The following HPS4 variants were observed in gnomAD, a reference collection of about 807,000 sequenced individuals.
The protein encoded by HPS4 is HPS4 biogenesis of lysosomal organelles complex 3 subunit 2, also known as BLOC-3 complex member HPS4.
In HPS4, 44 loss-of-function variants were observed where a neutral mutation model predicts 70.3. The observed-to-expected ratio is 0.63, with a 90% CI of 0.49 to 0.80. HPS4 has a LOEUF of 0.80. Among genes scored for constraint, HPS4 ranks in the 30% least tolerant of loss-of-function variants. The pLI is 0.00. For synonymous variants in HPS4, 377 were observed against 355.9 expected (o/e 1.06, Z -0.67); for missense variants, 873 against 884.4 (o/e 0.99, Z 0.16).
At position 26,481,792 on chromosome 22, in the gene HPS4, T is replaced by C. The variant is rs1208317131; in HGVS notation, c.-30A>G. 1.9e-6 allele frequency: 3 copies of C among 1,611,058 alleles called. No individual in the cohort carries two copies. The African/African-American group carries it at 4.0e-5, about 22-fold the overall frequency. Reference sequence around the variant, plus strand: ...TGTGCAGTCATCCTCATTCTCTTCATTTAGGTTTTCTTTTCCGGTATCACT... The same window carrying C: ...TGTGCAGTCATCCTCATTCTCTTCACTTAGGTTTTCTTTTCCGGTATCACT... On this transcript the variant is annotated 5_prime_UTR_variant, in exon 2 of 14. It removes an upstream start codon present in the reference 5' UTR. Coordinates refer to ENST00000398145, the MANE Select transcript of HPS4 (RefSeq NM_022081.6).
At chr22:26,472,006 G>GTTCAA (rs1244927015) in intron 6 of HPS4, among the ~76,000 whole-genome samples, 1 of 152,212 alleles carries the variant, frequency 6.6e-6, no homozygotes, top group Non-Finnish European at 1.5e-5. Flanking sequence ...AGATTACTGA[G>GTTCAA]TTCAACACTT....
At chr22:26,476,792 G>C in intron 4 of HPS4, 1 of 600,342 alleles carries the variant, frequency 1.7e-6, no homozygotes, top group East Asian at 3.0e-5. Context: ...GTGCAATGCA[G>C]AATATGTTAG....
At chr22:26,459,388 T>C (rs912468231) in intron 11 of HPS4, among the ~76,000 whole-genome samples, 3 of 152,222 alleles carry the variant, frequency 2.0e-5, no homozygotes, top group African/African-American at 4.8e-5. Flanking sequence ...TCTTTTTCTG[T>C]AAAATAAAAA....
chr22:26,465,613 T>C (rs1035010140), intron 9 of HPS4, 62 bp from the exon 10 acceptor site: 13 of 1,342,258 alleles, frequency 9.7e-6, no homozygotes, highest in African/African-American at 2.9e-5. Context: ...AGCGGGGCAA[T>C]AGCTGCACTG....
intron 13 of HPS4, among the ~76,000 whole-genome samples, chr22:26,454,795 A>T (rs1443359620): frequency 6.6e-6 from 1 of 152,244 alleles, no homozygotes; most frequent in Non-Finnish European, 1.5e-5. Flanking sequence ...TGAACAGGCA[A>T]CCTACAGAAC....
At position 26,464,219 on chromosome 22, in the gene HPS4, A is replaced by G. The variant is rs549290787; in HGVS notation, c.1411T>C (p.Leu471=). The change falls in exon 11 of 14, where the codon TTG becomes CTG. Residue 471 remains leucine, a synonymous_variant. Transcript: ENST00000398145. ...CTCTGTCCTGGATCTAAGCGAGGCAATAACAAGGGCCTGCGGGTCCTTCTG... is the reference window on the plus strand; with the variant it reads ...CTCTGTCCTGGATCTAAGCGAGGCAGTAACAAGGGCCTGCGGGTCCTTCTG... The part of the protein sequence containing the change: ...LPRRTRRPLL[L]PRLDPGQRGN... 18 of 1,614,192 alleles carry G rather than the reference A, an allele frequency of 1.1e-5. No individual in the cohort carries two copies. In the East Asian group the frequency reaches 1.8e-4, roughly 16 times the overall value.
chr22:26,470,894 G>T (rs765864973), intron 6 of HPS4, 81 bp from the exon 7 acceptor site: 1 of 1,582,678 alleles, frequency 6.3e-7, no homozygotes, highest in African/African-American at 1.3e-5. Flanking sequence ...GGGTTGTACA[G>T]AACAGCTGGA....
At chr22:26,480,919 A>AAAAC (rs1341541943) in intron 2 of HPS4, among the ~76,000 whole-genome samples, 1 of 152,130 alleles carries the variant, frequency 6.6e-6, no homozygotes. Flanking sequence ...CCCTGTCTCA[A>AAAAC]AAACAAACAA....
Position 26,483,714 on chromosome 22 carries a change from TG to T in HPS4, c.-520del. 2.3e-6 allele frequency: 1 copy of T among 427,160 alleles called. No homozygotes were observed. Among genetic ancestry groups the T allele is most frequent in the Non-Finnish European group, 4.0e-6 (1 of 251,940 alleles). The allele number at this position is 427,160 out of a possible 1,614,324, so 26.5% of individuals were successfully genotyped here. ...TCCCAGTGCTCGGGGTTCGGGACTC[TG>T]GACCAGAAATGTGGGCAGCAGCTGG... On this transcript the variant is annotated 5_prime_UTR_variant, in exon 1 of 14. Transcript: ENST00000398145.
At position 26,466,272 on chromosome 22, in the gene HPS4, AAC is replaced by A. The variant is rs2088597963; in HGVS notation, c.670-12_670-11del. The A allele has an allele frequency of 9.9e-6, 16 of 1,613,976 alleles. No individual in the cohort carries two copies. In the East Asian group the frequency reaches 3.6e-4, roughly 36 times the overall value. On this transcript the variant is annotated splice_polypyrimidine_tract_variant and intron_variant, in intron 8 of 13. Transcript: ENST00000398145. Reference sequence around the variant, plus strand: ...CTCCCGTAGGGAGTCTCTGAAAACAAACACACACAGAAGTTGGCGCTGGGCAC... The same window carrying A: ...CTCCCGTAGGGAGTCTCTGAAAACAAACACACAGAAGTTGGCGCTGGGCAC...
At chr22:26,477,389 G>T (rs999737425) in intron 3 of HPS4, among the ~76,000 whole-genome samples, 1 of 152,168 alleles carries the variant, frequency 6.6e-6, no homozygotes, top group Non-Finnish European at 1.5e-5. Flanking sequence ...ACCCCTACCT[G>T]AGATGACTGA....
At position 26,481,799 on chromosome 22, in the gene HPS4, T is replaced by C. The variant is rs1409147037; in HGVS notation, c.-37A>G. On this transcript the variant is annotated 5_prime_UTR_variant, in exon 2 of 14. Transcript: ENST00000398145. Reference sequence around the variant, plus strand: ...TCATCCTCATTCTCTTCATTTAGGTTTTCTTTTCCGGTATCACTTCTTTCT... The same window carrying C: ...TCATCCTCATTCTCTTCATTTAGGTCTTCTTTTCCGGTATCACTTCTTTCT... 6 of 1,606,314 alleles carry C rather than the reference T, an allele frequency of 3.7e-6. No individual in the cohort carries two copies. The highest frequency in any genetic ancestry group is 5.1e-6 in the Non-Finnish European group (6 of 1,172,980).
intron 3 of HPS4, among the ~76,000 whole-genome samples, chr22:26,478,011 G>C (rs1049885179): frequency 2.0e-5 from 3 of 152,182 alleles, no homozygotes; most frequent in African/African-American, 7.2e-5. Context: ...TGGAAGGATG[G>C]AAGTATGGGT....
intron 5 of HPS4, 43 bp from the exon 6 acceptor site, chr22:26,472,461 G>T: frequency 7.9e-7 from 1 of 1,264,312 alleles, no homozygotes; most frequent in Non-Finnish European, 1.2e-6. Flanking sequence ...AGATTTTGAG[G>T]GACAGATTCT....
chr22:26,476,356 T>C (rs1272205145), intron 4 of HPS4: 1 of 142,574 alleles, frequency 7.0e-6, no homozygotes, highest in Non-Finnish European at 1.5e-5. Context: ...ATTTTTATTC[T>C]TTTTTTTTTT....
chr22:26,456,880 A>G (rs2086229428), intron 13 of HPS4, among the ~76,000 whole-genome samples: 2 of 152,208 alleles, frequency 1.3e-5, no homozygotes, highest in East Asian at 3.8e-4. Context: ...TAGAAAGAAA[A>G]AAACAAATTC....
At chr22:26,443,516 A>G, downstream of HPS4, 1 of 230,210 alleles carries the variant, frequency 4.3e-6, no homozygotes, top group South Asian at 8.4e-5. Context: ...TGCCCTTGTA[A>G]GTCTGTCTTC....
intron 7 of HPS4, 131 bp downstream of exon 7, chr22:26,470,588 C>T (rs1180359739): frequency 1.2e-6 from 1 of 803,474 alleles, no homozygotes; most frequent in Non-Finnish European, 2.1e-6. Context: ...TCTAAACTAC[C>T]TGATATTTGC....
chr22:26,471,697 C>T (rs2089833397), intron 6 of HPS4, among the ~76,000 whole-genome samples: 1 of 152,170 alleles, frequency 6.6e-6, no homozygotes, highest in African/African-American at 2.4e-5. Flanking sequence ...AGCCACAGTG[C>T]TACACCCCTG....
Sources: allele counts gnomAD v4.1 joint callset (sites outside exome capture counted in the v4.1 genomes callset), GRCh38; gene constraint gnomAD v4.1.1; transcripts MANE v1.5; gene names NCBI Gene and HGNC (gene_info 2026-07-23, HGNC 2026-07-21).